NRF1: variants seen among roughly 807,000 people sequenced by gnomAD.
NRF1 encodes the protein alpha palindromic-binding protein.
NRF1 carries 5 observed loss-of-function variants against 58.5 expected under a neutral mutation model. That is an observed-to-expected ratio of 0.09 (90% CI 0.04 to 0.18). The LOEUF is 0.18. Ranked by LOEUF, NRF1 falls within the 10% of genes least tolerant of loss-of-function variation. The pLI, the probability that NRF1 is intolerant of heterozygous loss-of-function variation, is 1.00. For synonymous variants in NRF1, 224 were observed against 246.7 expected, an observed-to-expected ratio of 0.91 and a Z score of 0.86; for missense variants, 288 against 657.7, an observed-to-expected ratio of 0.44 and a Z score of 6.15.
chr7:129,736,715 C>T (rs1322123766), intron 10 of NRF1, among the ~76,000 whole-genome samples: 1 of 145,726 alleles, frequency 6.9e-6, no homozygotes, highest in Non-Finnish European at 1.5e-5. Flanking sequence ...GGCATTCCCA[C>T]CCCCACCCCC....
intron 10 of NRF1, among the ~76,000 whole-genome samples, chr7:129,749,432 TA>T (rs11405110): frequency 0.011 from 1,550 of 140,680 alleles, 15 homozygotes; most frequent in African/African-American, 0.028. Context: ...TGATACACAT[TA>T]AAAAAAAAAA....
At chr7:129,719,544 A>ACACACACACC (rs1584669977) in intron 9 of NRF1, among the ~76,000 whole-genome samples, 1 of 137,490 alleles carries the variant, frequency 7.3e-6, no homozygotes, top group Non-Finnish European at 1.6e-5. Flanking sequence ...ACACACACAC[A>ACACACACACC]ACACATCTTC....
At chr7:129,640,661 G>A (rs1171138622) in intron 1 of NRF1, among the ~76,000 whole-genome samples, 2 of 152,160 alleles carry the variant, frequency 1.3e-5, no homozygotes, top group African/African-American at 4.8e-5. Flanking sequence ...AGTGGAGACT[G>A]TGCTCGGGTA....
In NRF1 at chr7:129,671,520, G is replaced by A; in HGVS notation, c.315G>A (p.Lys105=). The A allele has an allele frequency of 6.2e-7, 1 of 1,610,602 alleles. No homozygotes were observed. The highest frequency in any genetic ancestry group is 8.5e-7 in the Non-Finnish European group (1 of 1,176,768). The part of the protein sequence containing the change: ...HVFESNPSIR[K]RQQTRLLRKL... ...TTGAGTCTAATCCATCTATCCGGAA[G>A]AGGCAACAAACACGTTTGCTTCGGT... The change falls in exon 3 of 11, where the codon AAG becomes AAA. Residue 105 remains lysine (K), a synonymous_variant. Transcript: ENST00000393232.
chr7:129,676,887 T>C (rs1308955294), intron 3 of NRF1, among the ~76,000 whole-genome samples: 16 of 151,984 alleles, frequency 1.1e-4, no homozygotes, highest in Admixed American at 9.8e-4. Context: ...ATTATCTCAA[T>C]GAAATATAAA....
chr7:129,670,081 CA>C (rs993607301), intron 2 of NRF1, among the ~76,000 whole-genome samples: 2 of 152,148 alleles, frequency 1.3e-5, no homozygotes, highest in African/African-American at 4.8e-5. Flanking sequence ...ATAAGTGAAA[CA>C]AACCAGTCAT....
intron 1 of NRF1, among the ~76,000 whole-genome samples, chr7:129,613,727 C>T (rs1014630308): frequency 6.9e-6 from 1 of 144,282 alleles, no homozygotes; most frequent in African/African-American, 2.5e-5. Context: ...GGTGAAAGCC[C>T]ATCTCTGTTA....
At chr7:129,731,413 C>T (rs1020553239) in intron 10 of NRF1, among the ~76,000 whole-genome samples, 4 of 152,170 alleles carry the variant, frequency 2.6e-5, no homozygotes, top group Admixed American at 1.3e-4. Context: ...CACACTACCC[C>T]GACACTAAAG....
chr7:129,649,494 C>T (rs1427534155), intron 1 of NRF1, among the ~76,000 whole-genome samples: 1 of 152,184 alleles, frequency 6.6e-6, no homozygotes, highest in Non-Finnish European at 1.5e-5. Context: ...TTTTAAAATA[C>T]TCTACACTTA....
In NRF1 at chr7:129,756,843, T is replaced by C. The variant is rs1157011544; in HGVS notation, c.*1662T>C. ...GAGGGGAGGGAAATTTACATATAAA[T>C]AGTCCTAGTTCTACAATTTGTTATT... On this transcript the variant is annotated 3_prime_UTR_variant, in exon 11 of 11. Coordinates refer to ENST00000393232, the MANE Select transcript of NRF1 (RefSeq NM_005011.5). 6.6e-6 allele frequency: 1 copy of C among 152,612 alleles called. No homozygotes were observed. Among genetic ancestry groups the C allele is most frequent in the African/African-American group, 2.4e-5 (1 of 41,442 alleles). 9.5% of individuals were successfully genotyped at this position (152,612 alleles called of 1,614,324 possible).
chr7:129,640,667 G>A (rs10268267), intron 1 of NRF1, among the ~76,000 whole-genome samples: 19,163 of 152,040 alleles, frequency 0.13, 1,214 homozygotes, highest in South Asian at 0.17. Flanking sequence ...GACTGTGCTC[G>A]GGTACAAAGG....
intron 1 of NRF1, among the ~76,000 whole-genome samples, chr7:129,642,394 A>G (rs1459553216): frequency 3.3e-5 from 5 of 152,252 alleles, no homozygotes; most frequent in Non-Finnish European, 2.9e-5. Flanking sequence ...GAAATAACCT[A>G]AATGACTTCA....
intron 10 of NRF1, among the ~76,000 whole-genome samples, chr7:129,745,838 A>G (rs186904953): frequency 1.3e-5 from 2 of 152,336 alleles, no homozygotes; most frequent in Non-Finnish European, 1.5e-5. Flanking sequence ...GTCTTGAGAT[A>G]TATTTACTAA....
At position 129,741,067 on chromosome 7, in the gene NRF1, C is replaced by CT. The variant is rs200610896; in HGVS notation, c.1348+13710dup. The stretch of plus-strand genomic sequence containing the variant: ...TCCCTTTGGCATACCTTCATGTCCT[C>CT]TTTTTTTTGTTTTTCTGTACTTCAA... On this transcript the variant is annotated intron_variant, in intron 10 of 10. Transcript: ENST00000393232. This position sits in a 1 kb window ranked among gnomAD's most constrained non-coding sequence, Gnocchi z 4.0. 3.0e-3 allele frequency among the ~76,000 whole-genome samples: 463 copies of CT among 152,090 alleles called. No homozygotes were observed. Among genetic ancestry groups the CT allele is most frequent in the African/African-American group, 7.4e-3 (307 of 41,472 alleles).
At chr7:129,740,169 G>C (rs1803813751) in intron 10 of NRF1, among the ~76,000 whole-genome samples, 2 of 152,140 alleles carry the variant, frequency 1.3e-5, no homozygotes, top group African/African-American at 4.8e-5. Flanking sequence ...GCAGTTTCCT[G>C]ACTCCCCAAT....
chr7:129,636,798 A>G (rs1378895344), intron 1 of NRF1, among the ~76,000 whole-genome samples: 1 of 152,224 alleles, frequency 6.6e-6, no homozygotes, highest in Non-Finnish European at 1.5e-5. Context: ...ACCTTAGACA[A>G]TAGAAAAACG....
intron 8 of NRF1, among the ~76,000 whole-genome samples, chr7:129,714,432 C>G (rs951880119): frequency 1.3e-5 from 2 of 152,206 alleles, no homozygotes; most frequent in Admixed American, 6.5e-5. Flanking sequence ...AACAGGAAGA[C>G]CATTCCCTAG....
intron 1 of NRF1, among the ~76,000 whole-genome samples, chr7:129,624,591 C>T (rs891207792): frequency 3.9e-5 from 6 of 152,126 alleles, no homozygotes; most frequent in East Asian, 1.9e-4. Context: ...TGATAGGAAA[C>T]GTAACCACCT....
rs1202721035 is a variant in NRF1, at chr7:129,755,711, C to CA, written c.*533dup. On this transcript the variant is annotated 3_prime_UTR_variant, in exon 11 of 11. Transcript: ENST00000393232. This position sits in a 1 kb window ranked among gnomAD's most constrained non-coding sequence, Gnocchi z 5.8. Reference sequence around the variant, plus strand: ...CCAGGGTCATGCGTTGAGCTACTGACAAACTCAGGCGGAGGTGACCATGCC... The same window carrying CA: ...CCAGGGTCATGCGTTGAGCTACTGACAAAACTCAGGCGGAGGTGACCATGCC... 2 of 152,734 alleles carry CA rather than the reference C, an allele frequency of 1.3e-5. No individual in the cohort carries two copies. The highest frequency in any genetic ancestry group is 2.9e-5 in the Non-Finnish European group (2 of 68,110). 9.5% of individuals were successfully genotyped at this position (152,734 alleles called of 1,614,324 possible). A position where few individuals can be genotyped will look rare whatever the true frequency, so the allele number is the denominator to read the frequency against.
Sources: allele counts gnomAD v4.1 joint callset (sites outside exome capture counted in the v4.1 genomes callset), GRCh38; gene constraint gnomAD v4.1.1; non-coding constraint Gnocchi (gnomAD v3.1); transcripts MANE v1.5; gene names NCBI Gene and HGNC (gene_info 2026-07-23, HGNC 2026-07-21).